The following PDXK variants were observed in gnomAD, a reference collection of about 807,000 sequenced individuals.
PDXK encodes epididymis secretory sperm binding protein Li 1a.
In PDXK, 15 loss-of-function variants were observed where a neutral mutation model predicts 43.2. The ratio of observed to expected loss-of-function variants is 0.35; its 90% CI spans 0.23 to 0.53. The LOEUF (loss-of-function observed/expected upper bound fraction) is 0.53. Ranked by LOEUF, PDXK falls within the 20% of genes least tolerant of loss-of-function variation. PDXK has a pLI of 0.92. For missense variants in PDXK, 343 were observed against 417.0 expected (o/e 0.82, Z 1.54); for synonymous variants, 172 against 165.4 (o/e 1.04, Z -0.31).
chr21:43,740,632 C>G (rs1464037498), intron 2 of PDXK, among the ~76,000 whole-genome samples: 5 of 151,912 alleles, frequency 3.3e-5, no homozygotes, highest in Admixed American at 3.3e-4. Flanking sequence ...TCCCAGGAGG[C>G]TGGTGGTCCC....
intron 7 of PDXK, among the ~76,000 whole-genome samples, chr21:43,750,911 CATGTGTGCATGTGTGTGCGT>C (rs996434692): frequency 7.7e-5 from 5 of 64,564 alleles, no homozygotes; most frequent in Admixed American, 5.6e-4. Context: ...GGTGTGCACG[CATGTGTGCATGTGTGTGCGT>C]ATGTGTGCAC....
chr21:43,741,812 C>T, intron 3 of PDXK, 41 bp downstream of exon 3: 2 of 1,346,706 alleles, frequency 1.5e-6, no homozygotes, highest in Non-Finnish European at 2.1e-6. Context: ...CTACGCACCC[C>T]ACTCCAGCCA....
At position 43,732,658 on chromosome 21, in the gene PDXK, T is replaced by C. The variant is rs1371114141; in HGVS notation, c.88-1411T>C. ...GTTTCTTCACAGTCGGTTAGAATTT[T>C]AAAGGATTTGAAATACTGCAAGCTA... On this transcript the variant is annotated intron_variant, in intron 1 of 10. Coordinates refer to ENST00000291565, the MANE Select transcript of PDXK (RefSeq NM_003681.5). The surrounding 1 kb of genome is among the most constrained non-coding windows in gnomAD (Gnocchi z 4.1). 1.3e-6 allele frequency: 1 copy of C among 779,240 alleles called. No homozygotes were observed. The allele number at this position is 779,240 out of a possible 1,614,324, so 48.3% of individuals were successfully genotyped here. A position where few individuals can be genotyped will look rare whatever the true frequency, so the allele number is the denominator to read the frequency against.
Position 43,735,062 on chromosome 21 carries a change from G to C in PDXK, c.142+939G>C, listed in dbSNP as rs560429318. Among the ~76,000 whole-genome samples, 5 of 152,338 alleles carry C rather than the reference G, an allele frequency of 3.3e-5. No homozygotes were observed. The highest frequency in any genetic ancestry group is 3.3e-4 in the Admixed American group (5 of 15,310). On this transcript the variant is annotated intron_variant, in intron 2 of 10. Coordinates refer to ENST00000291565, the MANE Select transcript of PDXK (RefSeq NM_003681.5). The surrounding 1 kb of genome is among the most constrained non-coding windows in gnomAD (Gnocchi z 5.3). ...AGTGAGAGGAAAGAGTTGCTTGGCC[G>C]GTGCAGACGGACAGGCTCCAGCTCT...
At chr21:43,733,885 C>T (rs1267199957) in intron 1 of PDXK, among the ~76,000 whole-genome samples, 184 bp from the exon 2 acceptor site, 1 of 152,238 alleles carries the variant, frequency 6.6e-6, no homozygotes, top group Non-Finnish European at 1.5e-5. Context: ...CCTGCCTGTG[C>T]ACATGTCATG....
At position 43,756,901 on chromosome 21, in the gene PDXK, C is replaced by A. The variant is rs140263239; in HGVS notation, c.*838C>A. The A allele has an allele frequency of 0.015, 2,312 of 152,582 alleles. 27 individuals carry two copies. Among genetic ancestry groups the A allele is most frequent in the Middle Eastern group, 0.067 (20 of 298 alleles). The allele number at this position is 152,582 out of a possible 1,614,324, so 9.5% of individuals were successfully genotyped here. A position where few individuals can be genotyped will look rare whatever the true frequency, so the allele number is the denominator to read the frequency against. ...GTTCCTTGTGGAAGCTCCCCTCATC[C>A]GTGGTGCAGCAGGCTGAGCACTGCG... is the stretch of plus-strand genomic sequence containing the variant. On this transcript the variant is annotated 3_prime_UTR_variant, in exon 11 of 11. Transcript: ENST00000291565.
rs2083806163 is a variant in PDXK, at chr21:43,754,192, G to A, written c.759+473G>A. 6.6e-6 allele frequency among the ~76,000 whole-genome samples: 1 copy of A among 152,208 alleles called. No individual in the cohort carries two copies. Among genetic ancestry groups the A allele is most frequent in the African/African-American group, 2.4e-5 (1 of 41,456 alleles). On this transcript the variant is annotated intron_variant, in intron 9 of 10. Coordinates refer to ENST00000291565, the MANE Select transcript of PDXK (RefSeq NM_003681.5). This position sits in a 1 kb window ranked among gnomAD's most constrained non-coding sequence, Gnocchi z 5.5. ...CGGGGACAGTAGGTGGGAGGCTGAG[G>A]ACAGGGGTCCAGGCAGGTGTGGAGA...
rs538236687 is a variant in PDXK at position 43,728,630 on chromosome 21, G to A, written c.88-5439G>A. On this transcript the variant is annotated intron_variant, in intron 1 of 10. Coordinates refer to ENST00000291565, the MANE Select transcript of PDXK (RefSeq NM_003681.5). ...CTGTCTGCCTCGCTGTGAGCAGAGTGGGATGCTGCCGATAAGGCGCGCACG... is the reference window on the plus strand; with the variant it reads ...CTGTCTGCCTCGCTGTGAGCAGAGTAGGATGCTGCCGATAAGGCGCGCACG... 54 of 756,090 alleles carry A rather than the reference G, an allele frequency of 7.1e-5. No individual in the cohort carries two copies. In the African/African-American group the frequency reaches 9.9e-4, roughly 14 times the overall value. The allele number at this position is 756,090 out of a possible 1,614,324, so 46.8% of individuals were successfully genotyped here.
chr21:43,719,994 G>C, intron 1 of PDXK: 5 of 883,600 alleles, frequency 5.7e-6, no homozygotes, highest in Non-Finnish European at 6.8e-6. Flanking sequence ...CCCTCTAGCA[G>C]AGCGGCATCC....
At chr21:43,740,176 G>T (rs1215300564) in intron 2 of PDXK, among the ~76,000 whole-genome samples, 2 of 152,228 alleles carry the variant, frequency 1.3e-5, no homozygotes, top group East Asian at 1.9e-4. Flanking sequence ...CCTGATGGCA[G>T]TCTCAGGACC....
At position 43,754,025 on chromosome 21, in the gene PDXK, G is replaced by T. The variant is rs570691178; in HGVS notation, c.759+306G>T. On this transcript the variant is annotated intron_variant, in intron 9 of 10. Transcript: ENST00000291565. This position sits in a 1 kb window ranked among gnomAD's most constrained non-coding sequence, Gnocchi z 5.5. Reference sequence around the variant, plus strand: ...AGGATTCAGATGCCACCCGCTTGGCGTTGGCGCAGGGCTGTGGGATGCATG... The same window carrying T: ...AGGATTCAGATGCCACCCGCTTGGCTTTGGCGCAGGGCTGTGGGATGCATG... 6.6e-6 allele frequency among the ~76,000 whole-genome samples: 1 copy of T among 152,264 alleles called. No individual in the cohort carries two copies. Among genetic ancestry groups the T allele is most frequent in the African/African-American group, 2.4e-5 (1 of 41,468 alleles).
rs1601798106 is a variant in PDXK at position 43,735,476 on chromosome 21, G to A, written c.142+1353G>A. 1.3e-5 allele frequency among the ~76,000 whole-genome samples: 2 copies of A among 152,230 alleles called. No homozygotes were observed. The highest frequency in any genetic ancestry group is 4.8e-5 in the African/African-American group (2 of 41,516). On this transcript the variant is annotated intron_variant, in intron 2 of 10. Coordinates refer to ENST00000291565, the MANE Select transcript of PDXK (RefSeq NM_003681.5). This position sits in a 1 kb window ranked among gnomAD's most constrained non-coding sequence, Gnocchi z 5.3. Reference sequence around the variant, plus strand: ...CAGTGGGTGGTGGGCTGGCTGACCCGAGGGCCCAGAGATAGAAAAGGGGTC... The same window carrying A: ...CAGTGGGTGGTGGGCTGGCTGACCCAAGGGCCCAGAGATAGAAAAGGGGTC...
chr21:43,728,108 T>TGGA (rs2083272088), intron 1 of PDXK, among the ~76,000 whole-genome samples: 1 of 152,114 alleles, frequency 6.6e-6, no homozygotes, highest in Non-Finnish European at 1.5e-5. Flanking sequence ...CGATGGACCC[T>TGGA]GGAGCTGTGA....
intron 4 of PDXK, among the ~76,000 whole-genome samples, chr21:43,744,974 A>G (rs915121935): frequency 1.3e-5 from 2 of 152,244 alleles, no homozygotes; most frequent in Non-Finnish European, 2.9e-5. Context: ...ATGGCGCTTG[A>G]GGACATGATG....
Position 43,737,147 on chromosome 21 carries a change from G to A in PDXK, c.142+3024G>A. 2 of 1,417,904 alleles carry A rather than the reference G, an allele frequency of 1.4e-6. No homozygotes were observed. The highest frequency in any genetic ancestry group is 1.9e-6 in the Non-Finnish European group (2 of 1,055,756). 87.8% of individuals were successfully genotyped at this position (1,417,904 alleles called of 1,614,324 possible). ...GGTCACGTGGGCAGCTTCTGCCTGG[G>A]ATGGGCCACAAAGCCAGACTCCCGG... On this transcript the variant is annotated intron_variant, in intron 2 of 10. Transcript: ENST00000291565. This position sits in a 1 kb window ranked among gnomAD's most constrained non-coding sequence, Gnocchi z 4.8.
At chr21:43,743,853 G>T in intron 4 of PDXK, 46 bp downstream of exon 4, 3 of 1,394,732 alleles carry the variant, frequency 2.2e-6, no homozygotes, top group Non-Finnish European at 3.0e-6. Flanking sequence ...GCCCCACACG[G>T]GTGGGGCTGG....
chr21:43,743,677 G>A (rs764107203), intron 3 of PDXK, 47 bp from the exon 4 acceptor site: 13 of 1,302,208 alleles, frequency 1.0e-5, no homozygotes, highest in Non-Finnish European at 1.3e-5. Flanking sequence ...AGTTGATCGT[G>A]GTGAGTCTCC....
chr21:43,746,021 G>T, intron 4 of PDXK, 58 bp from the exon 5 acceptor site: 1 of 1,293,058 alleles, frequency 7.7e-7, no homozygotes, highest in East Asian at 2.3e-5. Context: ...GAAATGTGGA[G>T]GGTTTCTTAC....
At position 43,722,954 on chromosome 21, in the gene PDXK, T is replaced by C. The variant is rs551300680; in HGVS notation, c.87+3573T>C. Among the ~76,000 whole-genome samples the C allele has an allele frequency of 2.4e-3, 369 of 152,076 alleles. 1 individual carries two copies. Among genetic ancestry groups the C allele is most frequent in the Non-Finnish European group, 4.0e-3 (272 of 67,972 alleles). On this transcript the variant is annotated intron_variant, in intron 1 of 10. Transcript: ENST00000291565. Reference sequence around the variant, plus strand: ...CCGGGTTCATGCCATTCTCCTGCCTTAGCCTCCTGAGTAGCTGGGACCACA... The same window carrying C: ...CCGGGTTCATGCCATTCTCCTGCCTCAGCCTCCTGAGTAGCTGGGACCACA...
Sources: gnomAD v4.1 joint callset for allele counts (sites outside exome capture counted in the v4.1 genomes callset) on GRCh38, gnomAD v4.1.1 for gene constraint, Gnocchi (gnomAD v3.1) non-coding constraint, MANE v1.5 for transcripts, NCBI Gene and HGNC (gene_info 2026-07-23, HGNC 2026-07-21) for gene names.